Variants in PCBP3 observed in about 807,000 individuals in gnomAD.
The protein encoded by PCBP3 is poly(rC) binding protein 3, also known as poly(rC)-binding protein 3.
Under a neutral mutation model 52.7 loss-of-function variants are expected in PCBP3, and 25 were observed. That is an observed-to-expected ratio of 0.47 (90% CI 0.35 to 0.66). The LOEUF (loss-of-function observed/expected upper bound fraction) is 0.66. PCBP3 is among the 30% of genes least tolerant of loss of function. The probability of loss-of-function intolerance (pLI) is 0.01; values close to 1 mark genes in which losing one functional copy is unlikely to be tolerated. For synonymous variants in PCBP3, 162 were observed against 183.0 expected (o/e 0.89, Z 0.93); for missense variants, 391 against 490.3 (o/e 0.80, Z 1.91).
intron 4 of PCBP3, among the ~76,000 whole-genome samples, chr21:45,819,960 A>G (rs1361740883): frequency 6.6e-6 from 1 of 152,072 alleles, no homozygotes; most frequent in Non-Finnish European, 1.5e-5. Context: ...CTGGCCACTC[A>G]CTCTGCCCAT....
chr21:45,862,303 A>G (rs1378702707), intron 5 of PCBP3, among the ~76,000 whole-genome samples: 2 of 152,230 alleles, frequency 1.3e-5, no homozygotes, highest in Non-Finnish European at 2.9e-5. Flanking sequence ...ATCAGAATAA[A>G]TGCATAAAAA....
intron 1 of PCBP3, among the ~76,000 whole-genome samples, chr21:45,657,600 CTTTTTA>C (rs1169339164): frequency 2.0e-5 from 3 of 150,564 alleles, no homozygotes; most frequent in Non-Finnish European, 4.4e-5. Context: ...CAACTTTGGT[CTTTTTA>C]TTTATTTTGG....
intron 4 of PCBP3, among the ~76,000 whole-genome samples, chr21:45,810,932 A>G (rs753364969): frequency 1.3e-5 from 2 of 152,194 alleles, no homozygotes; most frequent in Admixed American, 6.5e-5. Flanking sequence ...ACTGATACAT[A>G]TGTTGGTGTG....
chr21:45,925,919 A>T (rs1429266082), intron 13 of PCBP3, among the ~76,000 whole-genome samples: 2 of 152,236 alleles, frequency 1.3e-5, no homozygotes, highest in Middle Eastern at 3.2e-3. Flanking sequence ...AGTGTGAAGA[A>T]GGCATCAACA....
At position 45,842,966 on chromosome 21, in the gene PCBP3, G is replaced by T. The variant is rs79535648; in HGVS notation, c.-125-6995G>T. 5.3e-3 allele frequency among the ~76,000 whole-genome samples: 807 copies of T among 152,308 alleles called. 4 individuals carry two copies. Among genetic ancestry groups the T allele is most frequent in the African/African-American group, 0.018 (755 of 41,574 alleles). On this transcript the variant is annotated intron_variant, in intron 4 of 17. Transcript: ENST00000681687. ...CCCTAGAGAGAATTTTCTTGAGACTGTTTTTTTCCAGTGTGTATCCTTTGG... is the reference window on the plus strand; with the variant it reads ...CCCTAGAGAGAATTTTCTTGAGACTTTTTTTTTCCAGTGTGTATCCTTTGG...
At chr21:45,701,710 G>A (rs917789787) in intron 2 of PCBP3, among the ~76,000 whole-genome samples, 6 of 152,002 alleles carry the variant, frequency 3.9e-5, no homozygotes, top group African/African-American at 7.3e-5. Context: ...ACGGGTGTGC[G>A]CCACCACACC....
At chr21:45,836,593 A>T (rs1392999844) in intron 4 of PCBP3, among the ~76,000 whole-genome samples, 1 of 151,442 alleles carries the variant, frequency 6.6e-6, no homozygotes, top group African/African-American at 2.4e-5. Context: ...AGCATATGAC[A>T]CGTACGTAAC....
rs764882052 is a variant in PCBP3 at position 45,917,756 on chromosome 21, T to C, written c.717+127T>C. ...ATATTAATCAACTTCTCAGCGTTCCTGACCTGTGTCGTATCCATATGACCT... is the reference window on the plus strand; with the variant it reads ...ATATTAATCAACTTCTCAGCGTTCCCGACCTGTGTCGTATCCATATGACCT... On this transcript the variant is annotated intron_variant, in intron 13 of 17. Coordinates refer to ENST00000681687, the MANE Select transcript of PCBP3 (RefSeq NM_001384156.1). This position sits in a 1 kb window ranked among gnomAD's most constrained non-coding sequence, Gnocchi z 5.3. 1 of 831,802 alleles carries C rather than the reference T, an allele frequency of 1.2e-6. No individual in the cohort carries two copies. The highest frequency in any genetic ancestry group is 1.7e-5 in the African/African-American group (1 of 60,038). 51.5% of individuals were successfully genotyped at this position (831,802 alleles called of 1,614,324 possible).
At chr21:45,651,606 AAG>A (rs1252017609) in intron 1 of PCBP3, among the ~76,000 whole-genome samples, 3 of 152,224 alleles carry the variant, frequency 2.0e-5, no homozygotes, top group Non-Finnish European at 2.9e-5. Flanking sequence ...TACTATTCCA[AAG>A]AGTGTCCCAG....
chr21:45,941,148 C>T (rs939153684), intron 17 of PCBP3, among the ~76,000 whole-genome samples: 5 of 58 alleles, frequency 0.086, no homozygotes, highest in African/African-American at 0.23. Context: ...CTCTTTCCAT[C>T]CCTGTGCCAC....
intron 1 of PCBP3, among the ~76,000 whole-genome samples, chr21:45,666,548 A>G (rs892592104): frequency 2.6e-5 from 4 of 152,052 alleles, no homozygotes; most frequent in Non-Finnish European, 4.4e-5. Context: ...TTTTCTAGTG[A>G]CATATTCTCT....
chr21:45,699,259 A>G (rs1308844463), intron 2 of PCBP3, among the ~76,000 whole-genome samples: 3 of 152,184 alleles, frequency 2.0e-5, no homozygotes, highest in African/African-American at 7.2e-5. Flanking sequence ...TAACAATTCC[A>G]CATCACTTTC....
chr21:45,870,077 C>T (rs866068356), intron 5 of PCBP3, among the ~76,000 whole-genome samples: 16 of 152,122 alleles, frequency 1.1e-4, no homozygotes, highest in Admixed American at 2.0e-4. Context: ...GTAATGTTAT[C>T]GCTTTATCTT....
At chr21:45,879,488 C>T (rs938195929) in intron 5 of PCBP3, among the ~76,000 whole-genome samples, 1 of 152,160 alleles carries the variant, frequency 6.6e-6, no homozygotes, top group African/African-American at 2.4e-5. Context: ...CCGAGACCTG[C>T]AGACAATGCA....
At chr21:45,869,795 T>C (rs1452609054) in intron 5 of PCBP3, among the ~76,000 whole-genome samples, 2 of 152,192 alleles carry the variant, frequency 1.3e-5, no homozygotes, top group South Asian at 2.1e-4. Context: ...ACCTGGCACC[T>C]CTTTGGATCC....
chr21:45,765,343 G>A (rs537096248), intron 4 of PCBP3, among the ~76,000 whole-genome samples: 2 of 152,328 alleles, frequency 1.3e-5, no homozygotes, highest in African/African-American at 4.8e-5. Flanking sequence ...TTGGCCAGAT[G>A]AAAACAGGTG....
chr21:45,913,808 G>A, intron 11 of PCBP3, 143 bp from the exon 12 acceptor site: 1 of 724,752 alleles, frequency 1.4e-6, no homozygotes, highest in South Asian at 1.8e-5. Flanking sequence ...CCCTCCCCCA[G>A]CACTGCTGCG....
At chr21:45,792,439 T>A (rs1184289207) in intron 4 of PCBP3, among the ~76,000 whole-genome samples, 1 of 152,152 alleles carries the variant, frequency 6.6e-6, no homozygotes, top group Non-Finnish European at 1.5e-5. Context: ...CTATTGTCTG[T>A]GGAAAGAAAA....
At chr21:45,785,509 G>GA (rs577502827) in intron 4 of PCBP3, among the ~76,000 whole-genome samples, 82,682 of 120,958 alleles carry the variant, frequency 0.68, 30,137 homozygotes, top group African/African-American at 0.88. Flanking sequence ...GTCCGGGAGG[G>GA]GGGGGGGTCA....
Sources: allele counts gnomAD v4.1 joint callset (sites outside exome capture counted in the v4.1 genomes callset), GRCh38; gene constraint gnomAD v4.1.1; non-coding constraint Gnocchi (gnomAD v3.1); transcripts MANE v1.5; gene names NCBI Gene and HGNC (gene_info 2026-07-23, HGNC 2026-07-21).